Variants in CA13 observed in about 807,000 individuals in gnomAD.
CA13 encodes the protein carbonic anhydrase 13.
Under a neutral mutation model 31.5 loss-of-function variants are expected in CA13, and 21 were observed. The ratio of observed to expected loss-of-function variants is 0.67; its 90% CI spans 0.47 to 0.96. CA13 has a LOEUF of 0.96. Among genes scored for constraint, CA13 ranks in the 40% least tolerant of loss-of-function variants. The pLI, the probability that CA13 is intolerant of heterozygous loss-of-function variation, is 0.00. For missense variants in CA13, 315 were observed against 318.9 expected, an observed-to-expected ratio of 0.99 and a Z score of 0.09; for synonymous variants, 117 against 111.4, an observed-to-expected ratio of 1.05 and a Z score of -0.32.
At chr8:85,276,257 C>G (rs1188868556) in intron 6 of CA13, among the ~76,000 whole-genome samples, 3 of 152,198 alleles carry the variant, frequency 2.0e-5, no homozygotes, top group African/African-American at 7.2e-5. Flanking sequence ...TGCCTTCCTC[C>G]CCCCGGGGCA....
chr8:85,245,876 T>C lies in CA13; in HGVS notation c.37+11T>C, dbSNP rs1813715992. The C allele has an allele frequency of 6.2e-7, 1 of 1,613,956 alleles. No homozygotes were observed. Among genetic ancestry groups the C allele is most frequent in the Admixed American group, 1.7e-5 (1 of 60,008 alleles). ...ACCGCGAGCACAACGGTGAGCGCCT[T>C]TTCCTGATCCAAGGGGGGGTTTGTG... is the stretch of plus-strand genomic sequence containing the variant. On this transcript the variant is annotated intron_variant, in intron 1 of 6. Coordinates refer to ENST00000321764, the MANE Select transcript of CA13 (RefSeq NM_198584.3).
chr8:85,260,865 T>C (rs1807367663), intron 3 of CA13, among the ~76,000 whole-genome samples: 3 of 152,252 alleles, frequency 2.0e-5, no homozygotes, highest in African/African-American at 7.2e-5. Context: ...ATCACTGGTC[T>C]CTCATTTTCC....
intron 6 of CA13, among the ~76,000 whole-genome samples, chr8:85,273,572 G>A (rs1441247463): frequency 3.9e-5 from 6 of 152,054 alleles, no homozygotes; most frequent in Admixed American, 1.3e-4. Context: ...AGCAGCGTGC[G>A]TCAGGCAAGA....
intron 1 of CA13, among the ~76,000 whole-genome samples, chr8:85,248,612 T>G (rs1186501086): frequency 6.6e-6 from 1 of 151,618 alleles, no homozygotes; most frequent in Non-Finnish European, 1.5e-5. Context: ...GAGGAGGAAA[T>G]TTTTTTTGGA....
intron 6 of CA13, 44 bp from the exon 7 acceptor site, chr8:85,281,186 G>C: frequency 1.3e-6 from 2 of 1,596,530 alleles, no homozygotes; most frequent in Non-Finnish European, 1.7e-6. Context: ...ATTAATATTG[G>C]TGGGAATTTC....
At position 85,245,851 on chromosome 8, in the gene CA13, A is replaced by G; in HGVS notation, c.23A>G (p.Tyr8Cys). The G allele has an allele frequency of 6.2e-7, 1 of 1,614,152 alleles. No homozygotes were observed. Among genetic ancestry groups the G allele is most frequent in the Non-Finnish European group, 8.5e-7 (1 of 1,180,022 alleles). The change falls in exon 1 of 7, where the codon TAC (tyrosine) becomes TGC (cysteine). Residue 8 changes from tyrosine (Y) to cysteine (C), a missense_variant. Transcript: ENST00000321764. MSRLSWG[Y>C]REHNGPIHWK... is the part of the protein sequence containing the mutation. ...ACCATGTCGAGGCTCAGCTGGGGAT[A>G]CCGCGAGCACAACGGTGAGCGCCTT...
intron 1 of CA13, 44 bp downstream of exon 1, chr8:85,245,909 CG>C: frequency 6.2e-7 from 1 of 1,611,740 alleles, no homozygotes; most frequent in Non-Finnish European, 8.5e-7. Context: ...GTGCGGGGGA[CG>C]AGAGGACTAG....
intron 1 of CA13, among the ~76,000 whole-genome samples, chr8:85,250,401 T>C (rs1371982055): frequency 6.6e-6 from 1 of 152,244 alleles, no homozygotes; most frequent in Non-Finnish European, 1.5e-5. Flanking sequence ...GAGCTGAGAC[T>C]GAATGTCATT....
At position 85,259,408 on chromosome 8, in the gene CA13, T is replaced by C. The variant is rs1413585756; in HGVS notation, c.236-13T>C. 3 of 1,600,506 alleles carry C rather than the reference T, an allele frequency of 1.9e-6. No individual in the cohort carries two copies. In the African/African-American group the frequency reaches 4.0e-5, roughly 21 times the overall value. Reference sequence around the variant, plus strand: ...TTTTCCTTGCTAACAATATAAAACATGTTGTTGTTTAGTTCTGCGTGGTGG... The same window carrying C: ...TTTTCCTTGCTAACAATATAAAACACGTTGTTGTTTAGTTCTGCGTGGTGG... On this transcript the variant is annotated splice_polypyrimidine_tract_variant and intron_variant, in intron 2 of 6. Coordinates refer to ENST00000321764, the MANE Select transcript of CA13 (RefSeq NM_198584.3).
At chr8:85,267,756 G>A in intron 4 of CA13, 146 bp from the exon 5 acceptor site, 1 of 507,728 alleles carries the variant, frequency 2.0e-6, no homozygotes, top group Non-Finnish European at 3.5e-6. Flanking sequence ...GCAGGTAAAA[G>A]AGAAGCTTTG....
intron 3 of CA13, among the ~76,000 whole-genome samples, chr8:85,262,079 T>C (rs1807387736): frequency 6.6e-6 from 1 of 152,296 alleles, no homozygotes; most frequent in African/African-American, 2.4e-5. Context: ...TGAATGCATA[T>C]TAAAGAACAG....
intron 6 of CA13, among the ~76,000 whole-genome samples, chr8:85,269,406 A>G (rs926579309): frequency 6.6e-6 from 1 of 152,208 alleles, no homozygotes; most frequent in Non-Finnish European, 1.5e-5. Flanking sequence ...AGTCAGGATC[A>G]TGCCGCTGCA....
intron 6 of CA13, among the ~76,000 whole-genome samples, chr8:85,276,329 C>T (rs1046341117): frequency 1.3e-5 from 2 of 152,208 alleles, no homozygotes; most frequent in East Asian, 1.9e-4. Context: ...GGCTCCTGTG[C>T]GGCCCGAGCT....
At chr8:85,247,463 G>T (rs1416858495) in intron 1 of CA13, among the ~76,000 whole-genome samples, 1 of 152,112 alleles carries the variant, frequency 6.6e-6, no homozygotes, top group Non-Finnish European at 1.5e-5. Context: ...TTTTAGATGC[G>T]ATCTCTCTCT....
intron 3 of CA13, among the ~76,000 whole-genome samples, chr8:85,262,166 C>A (rs1416946252): frequency 1.5e-3 from 2 of 1,376 alleles, no homozygotes; most frequent in African/African-American, 7.6e-3. Context: ...GGGATGATTG[C>A]TTCTTATTTC....
intron 5 of CA13, 111 bp from the exon 6 acceptor site, chr8:85,268,361 A>C: frequency 1.1e-6 from 1 of 911,240 alleles, no homozygotes; most frequent in Non-Finnish European, 1.7e-6. Context: ...CTAGATGCAG[A>C]TATTCTGTAT....
intron 4 of CA13, chr8:85,267,167 C>G: frequency 4.0e-6 from 3 of 747,154 alleles, no homozygotes; most frequent in Non-Finnish European, 4.9e-6. Flanking sequence ...GTCATCATAC[C>G]TGGGAACAGG....
At chr8:85,260,032 A>G (rs1223130626) in intron 3 of CA13, among the ~76,000 whole-genome samples, 1 of 147,348 alleles carries the variant, frequency 6.8e-6, no homozygotes, top group African/African-American at 2.5e-5. Context: ...TTCACTGAGG[A>G]AAAAAAAAAA....
At chr8:85,255,094 T>TTCC (rs1807271387) in intron 2 of CA13, among the ~76,000 whole-genome samples, 1 of 151,596 alleles carries the variant, frequency 6.6e-6, no homozygotes, top group South Asian at 2.1e-4. Context: ...TTTCCCTTCC[T>TTCC]TCCTCCTCCT....
Sources: gnomAD v4.1 joint callset for allele counts (sites outside exome capture counted in the v4.1 genomes callset) on GRCh38, gnomAD v4.1.1 for gene constraint, MANE v1.5 for transcripts, NCBI Gene and HGNC (gene_info 2026-07-23, HGNC 2026-07-21) for gene names.